The following IGSF9B variants were observed in gnomAD, a reference collection of about 807,000 sequenced individuals.
The protein encoded by IGSF9B is immunoglobulin superfamily member 9B.
Under a neutral mutation model 143.7 loss-of-function variants are expected in IGSF9B, and 48 were observed. The observed-to-expected ratio is 0.33, with a 90% CI of 0.26 to 0.42. IGSF9B has a LOEUF of 0.42. Among genes scored for constraint, IGSF9B ranks in the 20% least tolerant of loss-of-function variants. The pLI, the probability that IGSF9B is intolerant of heterozygous loss-of-function variation, is 1.00. For synonymous variants in IGSF9B, 903 were observed against 833.1 expected (o/e 1.08, Z -1.44); for missense variants, 1,706 against 1,980.0 (o/e 0.86, Z 2.63).
At chr11:133,936,236 G>T in intron 5 of IGSF9B, 42 bp from the exon 6 acceptor site, 1 of 1,581,074 alleles carries the variant, frequency 6.3e-7, no homozygotes, top group Non-Finnish European at 8.6e-7. Context: ...CCTGATCAGG[G>T]ACGGCAGCAG....
chr11:133,940,261 ACG>A (rs34124294), intron 3 of IGSF9B, among the ~76,000 whole-genome samples: 13,149 of 108,442 alleles, frequency 0.12, 1,258 homozygotes, highest in East Asian at 0.41. Flanking sequence ...ACGTCCTCGC[ACG>A]CGTCATCGCA....
rs1461260070 is a variant in IGSF9B at position 133,907,343 on chromosome 11, T to C, written c.*1726A>G. ...CCAAGGCCTCATCCTGCGAGGTCAC[T>C]GGGCCAAGCCCATGGCAGCTGCATG... On this transcript the variant is annotated 3_prime_UTR_variant, in exon 20 of 20. Transcript: ENST00000533871. Among the ~76,000 whole-genome samples the C allele has an allele frequency of 6.6e-6, 1 of 152,210 alleles. No individual in the cohort carries two copies. Among genetic ancestry groups the C allele is most frequent in the Non-Finnish European group, 1.5e-5 (1 of 68,042 alleles).
chr11:133,926,609 G>A (rs937678876), intron 13 of IGSF9B, among the ~76,000 whole-genome samples: 2 of 152,254 alleles, frequency 1.3e-5, no homozygotes, highest in Admixed American at 1.3e-4. Context: ...GGCAGGCGCT[G>A]CCAAGGAGGG....
intron 15 of IGSF9B, among the ~76,000 whole-genome samples, chr11:133,923,457 G>A (rs1356572611): frequency 6.6e-6 from 1 of 152,174 alleles, no homozygotes; most frequent in Non-Finnish European, 1.5e-5. Flanking sequence ...GGAGCTGAAC[G>A]TCCTCCTTTC....
rs558690786 is a variant in IGSF9B, at chr11:133,955,649, G to A, written c.64+1042C>T. Among the ~76,000 whole-genome samples, 841 of 152,328 alleles carry A rather than the reference G, an allele frequency of 5.5e-3. 5 individuals are homozygous for A. The highest frequency in any genetic ancestry group is 0.019 in the African/African-American group (775 of 41,586). The stretch of plus-strand genomic sequence containing the variant: ...CGTGTCTGCGCGCTGACAGCCCTGA[G>A]CTCACAGTCCTGGCACCCTCCAGGC... On this transcript the variant is annotated intron_variant, in intron 1 of 19. Transcript: ENST00000533871.
chr11:133,937,132 G>T (rs896871224), intron 5 of IGSF9B, among the ~76,000 whole-genome samples: 1 of 152,192 alleles, frequency 6.6e-6, no homozygotes, highest in South Asian at 2.1e-4. Flanking sequence ...CACAGCAGGG[G>T]CCTCTCTGCC....
At position 133,902,825 on chromosome 11, in the gene IGSF9B, A is replaced by T. The variant is rs1939160088; in HGVS notation, c.*6244T>A. Among the ~76,000 whole-genome samples, 1 of 152,142 alleles carries T rather than the reference A, an allele frequency of 6.6e-6. No homozygotes were observed. The highest frequency in any genetic ancestry group is 6.5e-5 in the Admixed American group (1 of 15,276). Reference sequence around the variant, plus strand: ...CAAGAACTGCAAGATGACCGTGAGGAGGCTCATCCCTCCACCAGAAATACA... The same window carrying T: ...CAAGAACTGCAAGATGACCGTGAGGTGGCTCATCCCTCCACCAGAAATACA... On this transcript the variant is annotated 3_prime_UTR_variant, in exon 20 of 20. Coordinates refer to ENST00000533871, the MANE Select transcript of IGSF9B (RefSeq NM_001277285.4).
rs773814295 is a variant in IGSF9B, at chr11:133,936,112, C to T, written c.762G>A (p.Ala254=). Residue 254 remains alanine, a synonymous_variant, in exon 6 of 20, where the codon GCG becomes GCA. Coordinates refer to ENST00000533871, the MANE Select transcript of IGSF9B (RefSeq NM_001277285.4). ...AGGTGTAGGTGAGGTTGCCCGGATA[C>T]GCCTCTGCCCGGCAGGTGAGCAGAG... ...QDALLTCRAE[A]YPGNLTYTWY... The T allele has an allele frequency of 7.4e-6, 12 of 1,613,322 alleles. No individual in the cohort carries two copies. Among genetic ancestry groups the T allele is most frequent in the Non-Finnish European group, 8.5e-6 (10 of 1,179,652 alleles).
At chr11:133,949,471 T>C (rs1940119758) in intron 1 of IGSF9B, among the ~76,000 whole-genome samples, 1 of 151,992 alleles carries the variant, frequency 6.6e-6, no homozygotes. Context: ...GTAATCAGGC[T>C]AGCAGTAAAG....
At chr11:133,910,784 C>CT (rs1355130614) in intron 19 of IGSF9B, among the ~76,000 whole-genome samples, 3 of 151,808 alleles carry the variant, frequency 2.0e-5, no homozygotes, top group South Asian at 2.1e-4. Flanking sequence ...TCTGATGTGA[C>CT]TTTTTTTTGC....
chr11:133,923,047 G>A lies in IGSF9B; in HGVS notation c.2120-317C>T, dbSNP rs191096716. ...CCTTCTGCAAAGCACCTTCATGCAC[G>A]TTATCAGCTCTTCTCATGTTAACCC... On this transcript the variant is annotated intron_variant, in intron 15 of 19. Coordinates refer to ENST00000533871, the MANE Select transcript of IGSF9B (RefSeq NM_001277285.4). 3.9e-5 allele frequency among the ~76,000 whole-genome samples: 6 copies of A among 152,304 alleles called. No homozygotes were observed. In the East Asian group the frequency reaches 9.7e-4, roughly 25 times the overall value.
At chr11:133,927,118 G>A in intron 12 of IGSF9B, 27 bp from the exon 13 acceptor site, 2 of 1,528,706 alleles carry the variant, frequency 1.3e-6, no homozygotes, top group Non-Finnish European at 1.8e-6. Flanking sequence ...GACAGGATAG[G>A]GGACGAGGGG....
chr11:133,932,378 GGACA>G (rs1184273749), intron 7 of IGSF9B, among the ~76,000 whole-genome samples, 165 bp from the exon 8 acceptor site: 18 of 145,520 alleles, frequency 1.2e-4, no homozygotes, highest in South Asian at 4.6e-4. Flanking sequence ...ACAGACACGG[GGACA>G]GACAGACAGA....
At chr11:133,914,387 T>A (rs916000639) in intron 18 of IGSF9B, among the ~76,000 whole-genome samples, 1 of 151,414 alleles carries the variant, frequency 6.6e-6, no homozygotes, top group South Asian at 2.1e-4. Flanking sequence ...AAGCATGGCA[T>A]CCCCGCCACA....
chr11:133,952,766 T>C (rs993685628), intron 1 of IGSF9B, among the ~76,000 whole-genome samples: 1 of 150,100 alleles, frequency 6.7e-6, no homozygotes, highest in African/African-American at 2.5e-5. Context: ...TATAGGAACA[T>C]GTGTGTATGC....
At chr11:133,938,017 C>T (rs1296123678) in intron 3 of IGSF9B, 56 bp from the exon 4 acceptor site, 1 of 1,574,266 alleles carries the variant, frequency 6.4e-7, no homozygotes, top group Non-Finnish European at 8.7e-7. Flanking sequence ...CGCTGCCCTG[C>T]AACAACAGTA....
chr11:133,914,878 G>A (rs1234840805), intron 18 of IGSF9B, among the ~76,000 whole-genome samples: 1 of 152,184 alleles, frequency 6.6e-6, no homozygotes, highest in African/African-American at 2.4e-5. Context: ...GTTTTAGGAA[G>A]GTGACCATGT....
At chr11:133,912,128 C>A in intron 18 of IGSF9B, 121 bp from the exon 19 acceptor site, 1 of 1,187,330 alleles carries the variant, frequency 8.4e-7, no homozygotes, top group Non-Finnish European at 1.2e-6. Flanking sequence ...CTACAGAGCC[C>A]AAGGTGCCCA....
Position 133,956,746 on chromosome 11 carries a change from C to A in IGSF9B, c.9G>T (p.Trp3Cys), listed in dbSNP as rs866519705. Residue 3 changes from tryptophan to cysteine, a missense_variant, in exon 1 of 20, where the codon TGG becomes TGT. Physicochemically the swap from Trp to Cys is radical, Grantham distance 215. Coordinates refer to ENST00000533871, the MANE Select transcript of IGSF9B (RefSeq NM_001277285.4). ...CACTTGCTATGAAAGTGGCCACATACCAAATCATAGTACTACCGCGCCAGC... is the reference window on the plus strand; with the variant it reads ...CACTTGCTATGAAAGTGGCCACATAACAAATCATAGTACTACCGCGCCAGC... MI[W>C]YVATFIASVI... 6.5e-7 allele frequency: 1 copy of A among 1,536,770 alleles called. No homozygotes were observed. Among genetic ancestry groups the A allele is most frequent in the Non-Finnish European group, 8.8e-7 (1 of 1,142,732 alleles).
Sources: allele counts gnomAD v4.1 joint callset (sites outside exome capture counted in the v4.1 genomes callset), GRCh38; gene constraint gnomAD v4.1.1; transcripts MANE v1.5; gene names NCBI Gene and HGNC (gene_info 2026-07-23, HGNC 2026-07-21).